The following LRMDA variants were observed in gnomAD, a reference collection of about 807,000 sequenced individuals.
The protein encoded by LRMDA is leucine rich melanocyte differentiation associated, also known as leucine-rich melanocyte differentiation-associated protein.
Under a neutral mutation model 29.8 loss-of-function variants are expected in LRMDA, and 18 were observed. The observed-to-expected ratio is 0.60, with a 90% CI of 0.42 to 0.90. The LOEUF is 0.90. Among genes scored for constraint, LRMDA ranks in the 40% least tolerant of loss-of-function variants. The pLI is 0.00. For synonymous variants in LRMDA, 125 were observed against 109.4 expected, an observed-to-expected ratio of 1.14 and a Z score of -0.89; for missense variants, 273 against 273.9, an observed-to-expected ratio of 1.00 and a Z score of 0.02.
At chr10:75,557,915 T>C (rs1220561011) in intron 2 of LRMDA, among the ~76,000 whole-genome samples, 1 of 152,168 alleles carries the variant, frequency 6.6e-6, no homozygotes, top group Non-Finnish European at 1.5e-5. Flanking sequence ...CAGACTGATA[T>C]GAAGGAGGCC....
At chr10:75,832,064 A>G (rs977137177) in intron 2 of LRMDA, among the ~76,000 whole-genome samples, 4 of 152,226 alleles carry the variant, frequency 2.6e-5, no homozygotes. Flanking sequence ...TATCTTGGCT[A>G]TTAACATTTG....
intron 6 of LRMDA, among the ~76,000 whole-genome samples, chr10:76,512,425 C>T (rs1027692430): frequency 6.6e-6 from 1 of 152,156 alleles, no homozygotes; most frequent in Non-Finnish European, 1.5e-5. Flanking sequence ...TAAAGCCTTA[C>T]ATTTAAGGTC....
At position 75,640,282 on chromosome 10, in the gene LRMDA, C is replaced by T. The variant is rs181210938; in HGVS notation, c.131+201788C>T. 2.3e-3 allele frequency among the ~76,000 whole-genome samples: 354 copies of T among 152,246 alleles called. 2 individuals carry two copies. The highest frequency in any genetic ancestry group is 7.9e-3 in the African/African-American group (329 of 41,560). ...ATTTTCACCCCAAGATGCTGCTTCC[C>T]CCCATTAGGCAGGTAGATGTTTTTC... is the stretch of plus-strand genomic sequence containing the variant. On this transcript the variant is annotated intron_variant, in intron 2 of 6. Coordinates refer to ENST00000611255, the MANE Select transcript of LRMDA (RefSeq NM_001305581.2).
At chr10:76,344,717 C>G (rs1010295452) in intron 6 of LRMDA, among the ~76,000 whole-genome samples, 2 of 151,782 alleles carry the variant, frequency 1.3e-5, no homozygotes, top group African/African-American at 4.8e-5. Context: ...AATAGGTAGT[C>G]TAGAACTAGA....
At chr10:75,765,178 G>A (rs79316592) in intron 2 of LRMDA, among the ~76,000 whole-genome samples, 1,690 of 151,660 alleles carry the variant, frequency 0.011, 26 homozygotes, top group Middle Eastern at 0.031. Flanking sequence ...CCTGCTTTGG[G>A]GTATGAGGAA....
intron 5 of LRMDA, among the ~76,000 whole-genome samples, chr10:76,197,974 A>G (rs1372960911): frequency 1.3e-5 from 2 of 152,126 alleles, no homozygotes. Flanking sequence ...GGTCTAAACT[A>G]CACAGTCTTT....
intron 2 of LRMDA, among the ~76,000 whole-genome samples, chr10:76,007,031 T>TGCGC (rs796539226): frequency 2.6e-4 from 7 of 26,906 alleles, no homozygotes; most frequent in Admixed American, 4.1e-4. Flanking sequence ...TGTGTGTGTG[T>TGCGC]GCGCGTGTGT....
intron 6 of LRMDA, among the ~76,000 whole-genome samples, chr10:76,537,324 A>G (rs914972563): frequency 4.6e-5 from 7 of 152,226 alleles, no homozygotes; most frequent in African/African-American, 1.7e-4. Flanking sequence ...GTGCACACAC[A>G]CAGTCATATG....
At chr10:75,765,752 G>A (rs554610054) in intron 2 of LRMDA, among the ~76,000 whole-genome samples, 4 of 151,970 alleles carry the variant, frequency 2.6e-5, no homozygotes, top group Non-Finnish European at 5.9e-5. Context: ...ATGAAAAGGA[G>A]CCACCTTCGC....
chr10:76,350,899 G>A (rs1407318025), intron 6 of LRMDA, among the ~76,000 whole-genome samples: 4 of 152,158 alleles, frequency 2.6e-5, no homozygotes, highest in South Asian at 2.1e-4. Context: ...AAACCACCTC[G>A]TTAATTTCCC....
At chr10:75,825,914 A>C (rs374849848) in intron 2 of LRMDA, among the ~76,000 whole-genome samples, 1 of 152,236 alleles carries the variant, frequency 6.6e-6, no homozygotes, top group East Asian at 1.9e-4. Context: ...GACAGCCAAC[A>C]TAAACAGCGG....
intron 2 of LRMDA, among the ~76,000 whole-genome samples, chr10:75,799,588 C>T (rs1013298140): frequency 2.0e-5 from 3 of 151,488 alleles, no homozygotes; most frequent in African/African-American, 7.3e-5. Flanking sequence ...AATCTCGGCT[C>T]ACTGCAACCT....
chr10:76,455,848 G>A (rs1177222998), intron 6 of LRMDA, among the ~76,000 whole-genome samples: 1 of 152,220 alleles, frequency 6.6e-6, no homozygotes, highest in South Asian at 2.1e-4. Context: ...ATAATGGAAG[G>A]GAATGTCCCA....
intron 5 of LRMDA, among the ~76,000 whole-genome samples, chr10:76,064,185 A>T (rs1486310911): frequency 2.6e-5 from 4 of 152,198 alleles, no homozygotes; most frequent in Non-Finnish European, 5.9e-5. Flanking sequence ...GGCAGAAAAG[A>T]CAGATTCTGG....
At chr10:76,085,440 C>T (rs185557269) in intron 5 of LRMDA, among the ~76,000 whole-genome samples, 15 of 152,274 alleles carry the variant, frequency 9.9e-5, no homozygotes, top group Non-Finnish European at 1.5e-4. Flanking sequence ...TTCCAGCAGT[C>T]CCCTGGAGCA....
chr10:76,508,750 C>T (rs962768812), intron 6 of LRMDA, among the ~76,000 whole-genome samples: 1 of 152,066 alleles, frequency 6.6e-6, no homozygotes, highest in Non-Finnish European at 1.5e-5. Flanking sequence ...TGATCTGGAC[C>T]GTGTTCTATT....
At chr10:76,228,851 C>G (rs566346177) in intron 5 of LRMDA, among the ~76,000 whole-genome samples, 1 of 152,282 alleles carries the variant, frequency 6.6e-6, no homozygotes, top group South Asian at 2.1e-4. Context: ...CTCCCACTAG[C>G]TTTACAAAAA....
At chr10:75,743,133 G>T (rs1240105696) in intron 2 of LRMDA, among the ~76,000 whole-genome samples, 2 of 152,102 alleles carry the variant, frequency 1.3e-5, no homozygotes, top group African/African-American at 4.8e-5. Flanking sequence ...CTGGGAGGGG[G>T]TGGTAAGAGA....
chr10:75,900,205 A>G (rs1251763672), intron 2 of LRMDA, among the ~76,000 whole-genome samples: 1 of 152,176 alleles, frequency 6.6e-6, no homozygotes, highest in Non-Finnish European at 1.5e-5. Context: ...ACTAATTGCT[A>G]TGTCATCCTG....
Sources: gnomAD v4.1 joint callset for allele counts (sites outside exome capture counted in the v4.1 genomes callset) on GRCh38, gnomAD v4.1.1 for gene constraint, MANE v1.5 for transcripts, NCBI Gene and HGNC (gene_info 2026-07-23, HGNC 2026-07-21) for gene names.